TFB1M: variants seen among roughly 807,000 people sequenced by gnomAD.
The protein encoded by TFB1M is dimethyladenosine transferase 1, mitochondrial.
TFB1M carries 27 observed loss-of-function variants against 31.1 expected under a neutral mutation model. That is an observed-to-expected ratio of 0.87 (90% CI 0.64 to 1.20). The LOEUF (loss-of-function observed/expected upper bound fraction) is 1.20. Ranked by LOEUF, TFB1M falls within the 50% of genes most tolerant of loss-of-function variation. The pLI is 0.00. For missense variants in TFB1M, 394 were observed against 418.7 expected (o/e 0.94, Z 0.51); for synonymous variants, 166 against 151.8 (o/e 1.09, Z -0.69).
Position 155,260,418 on chromosome 6 carries a change from A to G in TFB1M, c.667-18T>C. 3 of 1,614,214 alleles carry G rather than the reference A, an allele frequency of 1.9e-6. No individual in the cohort carries two copies. The highest frequency in any genetic ancestry group is 2.5e-6 in the Non-Finnish European group (3 of 1,180,026). On this transcript the variant is annotated intron_variant, in intron 5 of 6. Coordinates refer to ENST00000367166, the MANE Select transcript of TFB1M (RefSeq NM_016020.4). ...ACGTCCACCTTCGTTGTAAGCAAAC[A>G]TATTATCATTCTGTGGCATGATATG...
chr6:155,249,246 G>A, the TFB1M span, among the ~76,000 whole-genome samples: 38 of 152,182 alleles, frequency 2.5e-4, no homozygotes, highest in African/African-American at 8.7e-4. Flanking sequence ...ATATTCCCTC[G>A]CGGAAAGTTA....
At chr6:155,245,755 G>GCT in the TFB1M span, 1 of 1,022,126 alleles carries the variant, frequency 9.8e-7, no homozygotes, top group Non-Finnish European at 1.4e-6. Context: ...GCCTTTTATA[G>GCT]TTTTTTTTTT....
the TFB1M span, among the ~76,000 whole-genome samples, chr6:155,241,902 G>A: frequency 7.2e-5 from 11 of 152,332 alleles, no homozygotes; most frequent in Middle Eastern, 6.8e-3. Flanking sequence ...CTGACATCTT[G>A]AGAATAGTCA....
the TFB1M span, among the ~76,000 whole-genome samples, chr6:155,236,444 C>A: frequency 1.3e-5 from 2 of 152,068 alleles, no homozygotes; most frequent in African/African-American, 4.8e-5. Flanking sequence ...GGGCAGATCA[C>A]CTGAGGTCAG....
the TFB1M span, among the ~76,000 whole-genome samples, chr6:155,247,770 C>T: frequency 6.6e-6 from 1 of 152,234 alleles, no homozygotes; most frequent in African/African-American, 2.4e-5. Flanking sequence ...GGGGCGCAGC[C>T]TGCATTCCAT....
At chr6:155,234,507 A>G in the TFB1M span, among the ~76,000 whole-genome samples, 1 of 152,180 alleles carries the variant, frequency 6.6e-6, no homozygotes, top group Admixed American at 6.5e-5. Flanking sequence ...GGCTCAAGCC[A>G]TCCTCCTGAC....
At chr6:155,271,207 T>C (rs1463475284) in intron 5 of TFB1M, among the ~76,000 whole-genome samples, 1 of 152,190 alleles carries the variant, frequency 6.6e-6, no homozygotes, top group Non-Finnish European at 1.5e-5. Flanking sequence ...AAAATTATCT[T>C]CTTTCTGTAT....
intron 5 of TFB1M, chr6:155,276,153 C>T: frequency 6.2e-7 from 1 of 1,614,142 alleles, no homozygotes; most frequent in Non-Finnish European, 8.5e-7. Flanking sequence ...GAGATCATAG[C>T]AAACTTTCTG....
At chr6:155,279,739 A>C (rs931306717) in intron 5 of TFB1M, among the ~76,000 whole-genome samples, 6 of 152,242 alleles carry the variant, frequency 3.9e-5, no homozygotes, top group African/African-American at 1.4e-4. Context: ...TTATACATAC[A>C]TAAAAGTACT....
At chr6:155,295,860 A>C (rs1777145765) in intron 4 of TFB1M, among the ~76,000 whole-genome samples, 1 of 152,184 alleles carries the variant, frequency 6.6e-6, no homozygotes, top group Non-Finnish European at 1.5e-5. Context: ...AGATGATTTA[A>C]AGTATATGGG....
chr6:155,265,184 C>T (rs1784572105), intron 5 of TFB1M, among the ~76,000 whole-genome samples: 1 of 152,182 alleles, frequency 6.6e-6, no homozygotes. Context: ...AGCTTCGAGG[C>T]TGCCCAGCCG....
At chr6:155,253,767 G>A (rs1334947767), downstream of TFB1M, 5 of 503,242 alleles carry the variant, frequency 9.9e-6, no homozygotes, top group East Asian at 1.0e-4. Context: ...AGGAAAATCT[G>A]CAGCAGGAAA....
intron 4 of TFB1M, among the ~76,000 whole-genome samples, chr6:155,286,369 GACA>G (rs1776626161): frequency 6.8e-6 from 1 of 146,770 alleles, no homozygotes; most frequent in Non-Finnish European, 1.5e-5. Context: ...CAGACAGACA[GACA>G]CACACACATA....
intron 4 of TFB1M, among the ~76,000 whole-genome samples, chr6:155,295,481 G>A (rs1465001960): frequency 6.6e-6 from 1 of 152,206 alleles, no homozygotes; most frequent in Non-Finnish European, 1.5e-5. Flanking sequence ...TACTAGCATG[G>A]GATGGAAAGG....
downstream of TFB1M, chr6:155,256,024 G>A (rs1005435184): frequency 5.1e-6 from 1 of 196,010 alleles, no homozygotes; most frequent in Non-Finnish European, 1.0e-5. Context: ...AAAAAAGGGG[G>A]GGGGAGGGGC....
intron 5 of TFB1M, among the ~76,000 whole-genome samples, chr6:155,278,911 G>A (rs1785349301): frequency 6.6e-6 from 1 of 152,200 alleles, no homozygotes; most frequent in Non-Finnish European, 1.5e-5. Flanking sequence ...ATGGTTCTTA[G>A]TCTAATCCAG....
At chr6:155,249,738 G>GCTCC in the TFB1M span, 1 of 779,204 alleles carries the variant, frequency 1.3e-6, no homozygotes, top group Non-Finnish European at 2.0e-6. Flanking sequence ...GCTCCTGCTA[G>GCTCC]TGGGTACTGG....
intron 5 of TFB1M, chr6:155,276,408 C>T (rs745659363): frequency 1.6e-5 from 25 of 1,569,286 alleles, no homozygotes; most frequent in Admixed American, 5.5e-5. Context: ...TGAAATGGAA[C>T]TTTTGGGTGC....
At position 155,269,324 on chromosome 6, in the gene TFB1M, C is replaced by CTTTTTTTTTTTTTTTTT. The variant is rs60162262; in HGVS notation, c.667-8925_667-8924insAAAAAAAAAAAAAAAAA. 1.6e-5 allele frequency among the ~76,000 whole-genome samples: 2 copies of CTTTTTTTTTTTTTTTTT among 127,270 alleles called. 1 individual carries two copies. The highest frequency in any genetic ancestry group is 3.2e-5 in the Non-Finnish European group (2 of 62,260). 83.5% of individuals were successfully genotyped at this position (127,270 alleles called of 152,430 possible). ...GCTTAGTTTTCTTTTCTTTTCTTTT[C>CTTTTTTTTTTTTTTTTT]TTTTTTTTTTTTTTTGAGATGGAGT... On this transcript the variant is annotated intron_variant, in intron 5 of 6. Transcript: ENST00000367166.
Sources: allele counts gnomAD v4.1 joint callset (sites outside exome capture counted in the v4.1 genomes callset), GRCh38; gene constraint gnomAD v4.1.1; transcripts MANE v1.5; gene names NCBI Gene and HGNC (gene_info 2026-07-23, HGNC 2026-07-21).